DIP2A: variants seen among roughly 807,000 people sequenced by gnomAD.
The protein encoded by DIP2A is disco-interacting protein 2 homolog A.
A neutral mutation model predicts 177.4 loss-of-function variants in DIP2A; 85 were observed. The observed-to-expected ratio is 0.48, with a 90% CI of 0.40 to 0.57. The LOEUF (loss-of-function observed/expected upper bound fraction) is 0.57. Ranked by LOEUF, DIP2A falls within the 20% of genes least tolerant of loss-of-function variation. The pLI is 0.00. For synonymous variants in DIP2A, 886 were observed against 881.8 expected (o/e 1.00, Z -0.08); for missense variants, 1,791 against 2,100.2 (o/e 0.85, Z 2.88).
intron 17 of DIP2A, among the ~76,000 whole-genome samples, chr21:46,540,444 T>C (rs2059767154): frequency 6.6e-6 from 1 of 152,030 alleles, no homozygotes; most frequent in Non-Finnish European, 1.5e-5. Context: ...TCATGTCATG[T>C]TTCTCAGCCT....
At chr21:46,482,785 C>G (rs2056436172) in intron 1 of DIP2A, among the ~76,000 whole-genome samples, 1 of 152,110 alleles carries the variant, frequency 6.6e-6, no homozygotes, top group African/African-American at 2.4e-5. Context: ...AGGGATTTGG[C>G]ATCTGTGATC....
intron 32 of DIP2A, among the ~76,000 whole-genome samples, chr21:46,559,704 C>A (rs796074965): frequency 5.9e-5 from 9 of 152,342 alleles, no homozygotes; most frequent in African/African-American, 2.2e-4. Flanking sequence ...TTCACGTTTG[C>A]TCTTTAAGAT....
intron 28 of DIP2A, 24 bp downstream of exon 28, chr21:46,554,957 G>T (rs1228413105): frequency 1.3e-6 from 2 of 1,544,298 alleles, no homozygotes; most frequent in African/African-American, 1.4e-5. Flanking sequence ...CACTGCCCAG[G>T]ACCAGTCCCT....
chr21:46,487,905 T>C (rs1335836897), intron 2 of DIP2A, among the ~76,000 whole-genome samples: 1 of 152,212 alleles, frequency 6.6e-6, no homozygotes, highest in Admixed American at 6.5e-5. Flanking sequence ...GTGAACATAA[T>C]GTAGTCCAGT....
chr21:46,497,249 A>C, intron 4 of DIP2A, 142 bp downstream of exon 4: 1 of 1,037,404 alleles, frequency 9.6e-7, no homozygotes, highest in South Asian at 2.0e-5. Context: ...AAATGTTTGC[A>C]TATGCTCGTA....
chr21:46,554,535 T>C (rs752879442), intron 26 of DIP2A, 40 bp from the exon 27 acceptor site: 2 of 1,599,588 alleles, frequency 1.3e-6, no homozygotes, highest in Non-Finnish European at 1.7e-6. Flanking sequence ...TGGGAGCCTC[T>C]TGCGGCCGGC....
intron 1 of DIP2A, among the ~76,000 whole-genome samples, chr21:46,465,178 T>G (rs1483393817): frequency 6.6e-6 from 1 of 152,176 alleles, no homozygotes; most frequent in Non-Finnish European, 1.5e-5. Context: ...GTCCCCTCTT[T>G]TGGAGTTCTT....
In DIP2A at chr21:46,551,823, G is replaced by C; in HGVS notation, c.2950-1G>C. 6.2e-7 allele frequency: 1 copy of C among 1,612,822 alleles called. No individual in the cohort carries two copies. The highest frequency in any genetic ancestry group is 8.5e-7 in the Non-Finnish European group (1 of 1,179,382). On this transcript the variant is annotated splice_acceptor_variant, in intron 24 of 37. Transcript: ENST00000417564. LOFTEE classifies it high-confidence loss of function. ...AGTGAGCAAGTCGCCCTCTCGTGCA[G>C]TTCCTGTTCCTGGCTGACGTGCTGC...
At chr21:46,581,309 C>A in the DIP2A span, among the ~76,000 whole-genome samples, 1 of 152,162 alleles carries the variant, frequency 6.6e-6, no homozygotes, top group Non-Finnish European at 1.5e-5. Flanking sequence ...CATTTATGTT[C>A]CTCTGTAAAC....
intron 18 of DIP2A, among the ~76,000 whole-genome samples, chr21:46,543,247 G>A (rs973037200): frequency 1.3e-5 from 2 of 152,212 alleles, no homozygotes; most frequent in African/African-American, 4.8e-5. Context: ...TCATTGGGGT[G>A]TCACTTATTT....
At chr21:46,573,645 C>CAAAAAAAAAAAAAAAAAAAAAAAAAA (rs201994694), downstream of DIP2A, among the ~76,000 whole-genome samples, 13 of 52,974 alleles carry the variant, frequency 2.5e-4, no homozygotes, top group Non-Finnish European at 3.1e-4. Context: ...CCCTCTCTCA[C>CAAAAAAAAAAAAAAAAAAAAAAAAAA]AAAAAAAAAA....
intron 1 of DIP2A, among the ~76,000 whole-genome samples, chr21:46,473,954 A>G (rs1048586856): frequency 6.6e-6 from 1 of 152,134 alleles, no homozygotes; most frequent in Non-Finnish European, 1.5e-5. Context: ...TCCCTCTTTG[A>G]TTTAGAAAGA....
chr21:46,517,643 A>G (rs893989353), intron 8 of DIP2A, among the ~76,000 whole-genome samples: 15 of 152,144 alleles, frequency 9.9e-5, no homozygotes, highest in African/African-American at 3.6e-4. Context: ...TAACAACCCC[A>G]TTCTGCTTTT....
intron 26 of DIP2A, 133 bp downstream of exon 26, chr21:46,554,425 C>A: frequency 1.3e-6 from 2 of 1,542,452 alleles, no homozygotes; most frequent in Admixed American, 1.8e-5. Flanking sequence ...CATGTGTCTG[C>A]CTCCTCAGCT....
chr21:46,552,850 A>G (rs1036285762), intron 25 of DIP2A: 1 of 152,264 alleles, frequency 6.6e-6, no homozygotes, highest in Non-Finnish European at 1.5e-5. Flanking sequence ...AAAGCCTACA[A>G]ACCAGCCAGT....
rs759621568 is a variant in DIP2A, at chr21:46,563,854, C to G, written c.4090-4C>G. On this transcript the variant is annotated splice_region_variant and splice_polypyrimidine_tract_variant and intron_variant, in intron 34 of 37. Transcript: ENST00000417564. This position sits in a 1 kb window ranked among gnomAD's most constrained non-coding sequence, Gnocchi z 4.3. ...AACAAGGGACATAGCTCTCCTCCTT[C>G]CAGATCCTCCCCGGCGTGAAGGTCA... The G allele has an allele frequency of 1.1e-5, 17 of 1,613,502 alleles. No homozygotes were observed. The highest frequency in any genetic ancestry group is 8.3e-5 in the Admixed American group (5 of 59,956).
intron 1 of DIP2A, among the ~76,000 whole-genome samples, chr21:46,477,083 C>T (rs556580344): frequency 1.8e-4 from 28 of 152,256 alleles, no homozygotes; most frequent in Non-Finnish European, 3.4e-4. Context: ...GATCACTCCT[C>T]GTTTTCTTGC....
At position 46,555,982 on chromosome 21, in the gene DIP2A, A is replaced by G. The variant is rs762683835; in HGVS notation, c.3389A>G (p.Asp1130Gly). Residue 1130 changes from aspartate (D) to glycine (G), a missense_variant and splice_region_variant, in exon 29 of 38, where the codon GAT becomes GGT. By Grantham distance (94) the Asp-to-Gly change is moderately conservative (BLOSUM62 -1). Transcript: ENST00000417564. ...IRTWPTILDT[D>G]DIPKKKIASV... is the part of the protein sequence containing the mutation. ...GTTGCTGGTGTCTCCTGTTTAACAG[A>G]TGACATCCCAAAAAAGAAGATAGCA... The G allele has an allele frequency of 6.2e-7, 1 of 1,609,218 alleles. No individual in the cohort carries two copies. The highest frequency in any genetic ancestry group is 1.1e-5 in the South Asian group (1 of 90,994).
In DIP2A at chr21:46,497,061, A is replaced by G; in HGVS notation, c.357A>G (p.Arg119=). 6.2e-7 allele frequency: 1 copy of G among 1,613,936 alleles called. No individual in the cohort carries two copies. The highest frequency in any genetic ancestry group is 1.1e-5 in the South Asian group (1 of 91,066). The change falls in exon 4 of 38, where the codon AGA becomes AGG. Residue 119 remains arginine (R), a synonymous_variant. Transcript: ENST00000417564. ...KERKMPMPSK[R]RSVLVHSSVE... Reference sequence around the variant, plus strand: ...GGAAGATGCCTATGCCTTCGAAGAGACGTTCTGTCCTTGTGCATTCGTCTG... The same window carrying G: ...GGAAGATGCCTATGCCTTCGAAGAGGCGTTCTGTCCTTGTGCATTCGTCTG...
Sources: allele counts gnomAD v4.1 joint callset (sites outside exome capture counted in the v4.1 genomes callset), GRCh38; gene constraint gnomAD v4.1.1; non-coding constraint Gnocchi (gnomAD v3.1); transcripts MANE v1.5; gene names NCBI Gene and HGNC (gene_info 2026-07-23, HGNC 2026-07-21).